The following PTPRG variants were observed in gnomAD, a reference collection of about 807,000 sequenced individuals.
The protein encoded by PTPRG is protein tyrosine phosphatase receptor type G.
Under a neutral mutation model 165.3 loss-of-function variants are expected in PTPRG, and 102 were observed. The observed-to-expected ratio is 0.62, with a 90% CI of 0.53 to 0.73. The LOEUF is 0.73. Among genes scored for constraint, PTPRG ranks in the 30% least tolerant of loss-of-function variants. The probability of loss-of-function intolerance (pLI) is 0.00; values close to 1 mark genes in which losing one functional copy is unlikely to be tolerated. For synonymous variants in PTPRG, 675 were observed against 669.5 expected (o/e 1.01, Z -0.13); for missense variants, 1,866 against 1,861.4 (o/e 1.00, Z -0.05).
At chr3:62,288,892 T>C (rs1702771016) in intron 28 of PTPRG, among the ~76,000 whole-genome samples, 1 of 152,134 alleles carries the variant, frequency 6.6e-6, no homozygotes, top group Admixed American at 6.6e-5. Flanking sequence ...ACTGTACTAT[T>C]GGGCTTTGGT....
At chr3:61,616,541 G>A (rs1385656751) in intron 1 of PTPRG, among the ~76,000 whole-genome samples, 1 of 152,106 alleles carries the variant, frequency 6.6e-6, no homozygotes, top group Non-Finnish European at 1.5e-5. Context: ...ATACTCTTCC[G>A]TGTAGACACT....
chr3:61,965,165 A>T (rs1318266530), intron 2 of PTPRG, among the ~76,000 whole-genome samples: 1 of 150,216 alleles, frequency 6.7e-6, no homozygotes, highest in Non-Finnish European at 1.5e-5. Context: ...AATTGCTTGA[A>T]CCCGGGAGAC....
At chr3:61,678,383 C>T (rs1021532700) in intron 1 of PTPRG, among the ~76,000 whole-genome samples, 3 of 152,144 alleles carry the variant, frequency 2.0e-5, no homozygotes, top group Non-Finnish European at 4.4e-5. Flanking sequence ...GCGTAGTTGT[C>T]TAGTCTTTAC....
intron 1 of PTPRG, among the ~76,000 whole-genome samples, chr3:61,598,784 G>A (rs1029843142): frequency 3.9e-5 from 6 of 152,062 alleles, no homozygotes; most frequent in African/African-American, 1.2e-4. Flanking sequence ...GGTCGTGAGG[G>A]AGAATCTGTT....
At chr3:61,936,693 G>A (rs2107596772) in intron 2 of PTPRG, among the ~76,000 whole-genome samples, 1 of 152,204 alleles carries the variant, frequency 6.6e-6, no homozygotes, top group African/African-American at 2.4e-5. Context: ...TCGCTTTTTA[G>A]TTCTTCCTAA....
chr3:61,889,122 A>T (rs1045921699), intron 2 of PTPRG, among the ~76,000 whole-genome samples: 3 of 152,216 alleles, frequency 2.0e-5, no homozygotes, highest in African/African-American at 7.2e-5. Context: ...CATATTTTTC[A>T]TCGAACCTTT....
At chr3:61,584,866 C>T (rs776915831) in intron 1 of PTPRG, among the ~76,000 whole-genome samples, 1 of 152,178 alleles carries the variant, frequency 6.6e-6, no homozygotes, top group Non-Finnish European at 1.5e-5. Context: ...CGCCAGGTGA[C>T]TTGGTACATG....
intron 1 of PTPRG, among the ~76,000 whole-genome samples, chr3:61,722,075 A>C (rs896599796): frequency 8.5e-5 from 13 of 152,146 alleles, no homozygotes; most frequent in African/African-American, 2.7e-4. Flanking sequence ...CCACAGACTG[A>C]GTAATTTATA....
intron 5 of PTPRG, among the ~76,000 whole-genome samples, chr3:62,125,960 C>T (rs980985746): frequency 2.0e-5 from 3 of 152,130 alleles, no homozygotes; most frequent in Non-Finnish European, 4.4e-5. Context: ...ATGCGGGCCC[C>T]CACGGGAGTA....
intron 1 of PTPRG, among the ~76,000 whole-genome samples, chr3:61,596,726 G>A (rs996476501): frequency 6.6e-6 from 1 of 152,102 alleles, no homozygotes; most frequent in Non-Finnish European, 1.5e-5. Context: ...AAGTAGAAAA[G>A]ACAATGAACA....
chr3:61,712,434 A>G (rs1249079071), intron 1 of PTPRG, among the ~76,000 whole-genome samples: 1 of 152,022 alleles, frequency 6.6e-6, no homozygotes, highest in Non-Finnish European at 1.5e-5. Flanking sequence ...TCTCCACCCA[A>G]ATCTCATCTG....
At chr3:62,268,554 C>G (rs148596391) in intron 19 of PTPRG, among the ~76,000 whole-genome samples, 5 of 152,194 alleles carry the variant, frequency 3.3e-5, no homozygotes, top group African/African-American at 1.2e-4. Flanking sequence ...GTTCCCTGCT[C>G]AAAATCACCA....
At chr3:62,280,843 T>C (rs1397977626) in intron 26 of PTPRG, among the ~76,000 whole-genome samples, 1 of 151,824 alleles carries the variant, frequency 6.6e-6, no homozygotes, top group Non-Finnish European at 1.5e-5. Flanking sequence ...TAAAGAAATT[T>C]GTGGGGTAGG....
rs199516750 is a variant in PTPRG at position 62,282,812 on chromosome 3, T to C, written c.3998T>C (p.Ile1333Thr). 2.9e-4 allele frequency: 467 copies of C among 1,612,160 alleles called. No homozygotes were observed. The highest frequency in any genetic ancestry group is 9.1e-4 in the South Asian group (83 of 90,870). The change falls in exon 28 of 30, where the codon ATC (isoleucine) becomes ACC (threonine). Residue 1333 changes from isoleucine to threonine, a missense_variant. By Grantham distance (89) the Ile-to-Thr change is moderately conservative (BLOSUM62 -1). Transcript: ENST00000474889. ...DAPISSTFELINVIKEEALTR... is the reference protein window; with the variant it reads ...DAPISSTFELTNVIKEEALTR... ...CCCATAAGTAGTACCTTTGAACTTA[T>C]CAACGTCATCAAGGAAGAGGCCTTA...
chr3:61,650,407 C>T (rs80001090), intron 1 of PTPRG, among the ~76,000 whole-genome samples: 2,072 of 152,086 alleles, frequency 0.014, 51 homozygotes, highest in African/African-American at 0.048. Context: ...TGACGAGTTC[C>T]GCACAAAACT....
intron 2 of PTPRG, among the ~76,000 whole-genome samples, chr3:61,938,337 G>A (rs1575804177): frequency 1.3e-5 from 2 of 151,156 alleles, no homozygotes; most frequent in South Asian, 2.1e-4. Flanking sequence ...TTTGAAAATG[G>A]GTTTTAAGAA....
At chr3:61,873,780 G>A (rs566043036) in intron 2 of PTPRG, among the ~76,000 whole-genome samples, 2 of 152,110 alleles carry the variant, frequency 1.3e-5, no homozygotes, top group Admixed American at 6.6e-5. Context: ...TTCAGTTGAC[G>A]CAGTATAAAT....
rs143246257 is a variant in PTPRG at position 62,265,896 on chromosome 3, T to TACACACAC, written c.2657-1491_2657-1484dup. ...CACACGTATACATCTGTGCCTTATA[T>TACACACAC]ACACACACACACACACACACACACA... On this transcript the variant is annotated intron_variant, in intron 17 of 29. Transcript: ENST00000474889. Among the ~76,000 whole-genome samples the TACACACAC allele has an allele frequency of 1.7e-3, 220 of 130,612 alleles. 3 individuals carry two copies. Among genetic ancestry groups the TACACACAC allele is most frequent in the South Asian group, 0.015 (54 of 3,636 alleles). The allele number at this position is 130,612 out of a possible 152,430, so 85.7% of individuals were successfully genotyped here.
At chr3:62,086,858 G>C (rs962106717) in intron 5 of PTPRG, among the ~76,000 whole-genome samples, 7 of 144,086 alleles carry the variant, frequency 4.9e-5, no homozygotes, top group Middle Eastern at 3.2e-3. Context: ...AGCCTATCAG[G>C]TGTTTTCAGC....
Sources: gnomAD v4.1 joint callset for allele counts (sites outside exome capture counted in the v4.1 genomes callset) on GRCh38, gnomAD v4.1.1 for gene constraint, MANE v1.5 for transcripts, NCBI Gene and HGNC (gene_info 2026-07-23, HGNC 2026-07-21) for gene names.